NCKAP1: variants seen among roughly 807,000 people sequenced by gnomAD.
The protein encoded by NCKAP1 is nck-associated protein 1.
A neutral mutation model predicts 151.2 loss-of-function variants in NCKAP1; 21 were observed. The ratio of observed to expected loss-of-function variants is 0.14; its 90% CI spans 0.10 to 0.20. The LOEUF is 0.20. Among genes scored for constraint, NCKAP1 ranks in the 10% least tolerant of loss-of-function variants. NCKAP1 has a pLI of 1.00. For missense variants in NCKAP1, 933 were observed against 1,352.1 expected, an observed-to-expected ratio of 0.69 and a Z score of 4.86; for synonymous variants, 484 against 451.8, an observed-to-expected ratio of 1.07 and a Z score of -0.90.
intron 2 of NCKAP1, among the ~76,000 whole-genome samples, chr2:183,020,762 C>T (rs375886993): frequency 5.9e-5 from 9 of 152,162 alleles, no homozygotes; most frequent in Non-Finnish European, 1.2e-4. Flanking sequence ...CAATCCCAGA[C>T]GCTACTATCT....
rs1387241877 is a variant in NCKAP1, at chr2:182,919,515, G to A, written c.*6187C>T. 6.6e-6 allele frequency: 1 copy of A among 152,004 alleles called. No homozygotes were observed. Among genetic ancestry groups the A allele is most frequent in the Non-Finnish European group, 1.5e-5 (1 of 68,016 alleles). The allele number at this position is 152,004 out of a possible 1,614,324, so 9.4% of individuals were successfully genotyped here. On this transcript the variant is annotated 3_prime_UTR_variant, in exon 31 of 31. Transcript: ENST00000361354. ...TAGTATGACATTCTGATTATTAACT[G>A]GATATTTCCTCTCAAATAAAGATAA...
At chr2:182,975,449 A>G (rs1240477767) in intron 15 of NCKAP1, among the ~76,000 whole-genome samples, 2 of 152,166 alleles carry the variant, frequency 1.3e-5, no homozygotes, top group Non-Finnish European at 2.9e-5. Flanking sequence ...GAACCTAAGA[A>G]AAGCAAAAGC....
At position 183,000,520 on chromosome 2, in the gene NCKAP1, G is replaced by A. The variant is rs567984592; in HGVS notation, c.603+1433C>T. Among the ~76,000 whole-genome samples, 419 of 152,244 alleles carry A rather than the reference G, an allele frequency of 2.8e-3. 2 individuals carry two copies. The highest frequency in any genetic ancestry group is 5.8e-3 in the Admixed American group (88 of 15,288). ...AATAGAAAAGACAGTTCCGGGTGGG[G>A]AAAAACCACTACTGATATTAGAGAT... On this transcript the variant is annotated intron_variant, in intron 6 of 30. Transcript: ENST00000361354.
chr2:182,994,004 C>T (rs772248719), intron 8 of NCKAP1, among the ~76,000 whole-genome samples: 9 of 152,166 alleles, frequency 5.9e-5, no homozygotes, highest in Non-Finnish European at 1.3e-4. Context: ...CACAATAAAA[C>T]GAAGGAAAAC....
intron 2 of NCKAP1, among the ~76,000 whole-genome samples, chr2:183,004,108 T>C (rs888100371): frequency 1.3e-5 from 2 of 152,162 alleles, no homozygotes; most frequent in Admixed American, 1.3e-4. Context: ...GTTTACTGAA[T>C]AGCCACTCCC....
intron 17 of NCKAP1, among the ~76,000 whole-genome samples, chr2:182,963,516 A>C (rs954317367): frequency 6.6e-6 from 1 of 152,170 alleles, no homozygotes; most frequent in Non-Finnish European, 1.5e-5. Flanking sequence ...GGTGCCAAGA[A>C]TAAAGTTTAG....
In NCKAP1 at chr2:182,962,807, C is replaced by T. The variant is rs115965709; in HGVS notation, c.1762-529G>A. 8.9e-3 allele frequency among the ~76,000 whole-genome samples: 1,344 copies of T among 150,656 alleles called. 18 individuals carry two copies. Among genetic ancestry groups the T allele is most frequent in the African/African-American group, 0.031 (1,279 of 41,168 alleles). Reference sequence around the variant, plus strand: ...GCATTCAAATCTCTAAAATCAAACCCTATTGCTCCCAGGAAGAAAAAAAAA... The same window carrying T: ...GCATTCAAATCTCTAAAATCAAACCTTATTGCTCCCAGGAAGAAAAAAAAA... On this transcript the variant is annotated intron_variant, in intron 17 of 30. Coordinates refer to ENST00000361354, the MANE Select transcript of NCKAP1 (RefSeq NM_013436.5).
At chr2:182,937,387 A>G (rs1390181000) in intron 24 of NCKAP1, among the ~76,000 whole-genome samples, 2 of 152,126 alleles carry the variant, frequency 1.3e-5, no homozygotes, top group African/African-American at 2.4e-5. Flanking sequence ...TTCACCCCAC[A>G]TAACATCCAC....
intron 17 of NCKAP1, among the ~76,000 whole-genome samples, chr2:182,962,567 C>T (rs1697478218): frequency 6.6e-6 from 1 of 152,020 alleles, no homozygotes; most frequent in Admixed American, 6.6e-5. Context: ...TTTTCAAATT[C>T]CACAAAGTCC....
chr2:183,003,200 G>T, intron 3 of NCKAP1, 33 bp downstream of exon 3: 1 of 1,306,774 alleles, frequency 7.7e-7, no homozygotes, highest in Non-Finnish European at 1.1e-6. Context: ...ATCTACTTCT[G>T]AAGTGTTAAA....
At chr2:182,957,032 G>C (rs1575029233) in intron 19 of NCKAP1, 1 of 164,242 alleles carries the variant, frequency 6.1e-6, no homozygotes, top group East Asian at 1.8e-4. Context: ...AATGAAGCAA[G>C]CAAAGATCCC....
At chr2:183,000,514 G>GTCTATTTCTATTCCTCA (rs1698356489) in intron 6 of NCKAP1, among the ~76,000 whole-genome samples, 2 of 152,098 alleles carry the variant, frequency 1.3e-5, no homozygotes, top group African/African-American at 4.8e-5. Flanking sequence ...GACAGTTCCG[G>GTCTATTTCTATTCCTCA]GTGGGGAAAA....
intron 15 of NCKAP1, among the ~76,000 whole-genome samples, chr2:182,968,157 G>T (rs1265559555): frequency 2.6e-5 from 4 of 152,164 alleles, no homozygotes; most frequent in Non-Finnish European, 5.9e-5. Flanking sequence ...AAGCACTAAG[G>T]GTTCTATGTG....
In NCKAP1 at chr2:182,951,805, T is replaced by C. The variant is rs570266126; in HGVS notation, c.2601+600A>G. ...TCAAATTCTTTCAAAAACTACATAG[T>C]TATTATATATACAGATTCGTTTAAT... On this transcript the variant is annotated intron_variant, in intron 23 of 30. Coordinates refer to ENST00000361354, the MANE Select transcript of NCKAP1 (RefSeq NM_013436.5). Among the ~76,000 whole-genome samples, 32 of 152,230 alleles carry C rather than the reference T, an allele frequency of 2.1e-4. 1 individual carries two copies. Among genetic ancestry groups the C allele is most frequent in the African/African-American group, 7.2e-4 (30 of 41,554 alleles).
chr2:182,998,670 A>T (rs1055768046), intron 6 of NCKAP1, among the ~76,000 whole-genome samples: 1 of 151,804 alleles, frequency 6.6e-6, no homozygotes, highest in African/African-American at 2.4e-5. Context: ...TCTCTACTAA[A>T]AATACAAAAA....
chr2:182,998,515 A>C (rs779578854), intron 6 of NCKAP1, among the ~76,000 whole-genome samples: 4 of 152,102 alleles, frequency 2.6e-5, no homozygotes, highest in Non-Finnish European at 4.4e-5. Flanking sequence ...TACACTAATA[A>C]CATTCAAGCT....
intron 6 of NCKAP1, among the ~76,000 whole-genome samples, chr2:182,996,928 A>C (rs1698281870): frequency 6.6e-6 from 1 of 152,228 alleles, no homozygotes; most frequent in Non-Finnish European, 1.5e-5. Context: ...CCAACTAAGA[A>C]TGTTTTAAAA....
At chr2:182,946,762 C>T (rs1553510963) in intron 23 of NCKAP1, among the ~76,000 whole-genome samples, 1 of 137,730 alleles carries the variant, frequency 7.3e-6, no homozygotes, top group Non-Finnish European at 1.6e-5. Context: ...AAGGAAACAG[C>T]AGAAAAAACA....
intron 10 of NCKAP1, 68 bp downstream of exon 10, chr2:182,986,103 T>G: frequency 6.9e-7 from 1 of 1,445,412 alleles, no homozygotes; most frequent in Non-Finnish European, 9.7e-7. Flanking sequence ...CTGTACTCAC[T>G]TCAACAAAAT....
Sources: gnomAD v4.1 joint callset for allele counts (sites outside exome capture counted in the v4.1 genomes callset) on GRCh38, gnomAD v4.1.1 for gene constraint, MANE v1.5 for transcripts, NCBI Gene and HGNC (gene_info 2026-07-23, HGNC 2026-07-21) for gene names.